Variants in NRG1 observed in about 807,000 individuals in gnomAD.
The protein encoded by NRG1 is neuregulin 1, also known as pro-neuregulin-1, membrane-bound isoform.
In NRG1, 18 loss-of-function variants were observed where a neutral mutation model predicts 63.8. The ratio of observed to expected loss-of-function variants is 0.28; its 90% CI spans 0.19 to 0.42. The LOEUF is 0.42. Ranked by LOEUF, NRG1 falls within the 10% of genes least tolerant of loss-of-function variation. The pLI is 1.00. For missense variants in NRG1, 762 were observed against 814.7 expected, an observed-to-expected ratio of 0.94 and a Z score of 0.79; for synonymous variants, 302 against 301.3, an observed-to-expected ratio of 1.00 and a Z score of -0.02.
chr8:32,542,085 A>G (rs1361698621), intron 1 of NRG1, among the ~76,000 whole-genome samples: 1 of 152,168 alleles, frequency 6.6e-6, no homozygotes, highest in Non-Finnish European at 1.5e-5. Context: ...AAACCCAACT[A>G]TTTTATAGGC....
chr8:32,097,260 G>A (rs12155958), intron 1 of NRG1, among the ~76,000 whole-genome samples: 1,872 of 152,206 alleles, frequency 0.012, 53 homozygotes, highest in African/African-American at 0.043. Context: ...TGGATATTTA[G>A]GTTACTTTCA....
chr8:32,683,949 C>T (rs1398782757), intron 5 of NRG1, among the ~76,000 whole-genome samples: 2 of 150,966 alleles, frequency 1.3e-5, no homozygotes, highest in Non-Finnish European at 2.9e-5. Flanking sequence ...GATGCCAGCA[C>T]TCTGGGAGGC....
chr8:31,872,990 C>T (rs1200392892), intron 1 of NRG1, among the ~76,000 whole-genome samples: 1 of 152,088 alleles, frequency 6.6e-6, no homozygotes, highest in Non-Finnish European at 1.5e-5. Context: ...ATTTCTTGGG[C>T]CAATCAAATA....
At chr8:32,548,603 G>A (rs1833423368) in exon 1 of NRG1, 7 of 1,345,896 alleles carry the variant, frequency 5.2e-6, no homozygotes, top group Non-Finnish European at 5.7e-6. Flanking sequence ...CAGCGCGAGC[G>A]CCTCAGCGCG....
At position 32,763,995 on chromosome 8, in the gene NRG1, G is replaced by A. The variant is rs376858256; in HGVS notation, c.1507G>A (p.Ala503Thr). The change falls in exon 12 of 12, where the codon GCG becomes ACG. Residue 503 changes from alanine (A) to threonine (T), a missense_variant. By Grantham distance (58) the Ala-to-Thr change is moderately conservative. Transcript: ENST00000356819. ...GTTCAGCTCCTTCCACCACAACCCC[G>A]CGCATGACAGTAACAGCCTCCCTGC... is the stretch of plus-strand genomic sequence containing the variant. The A allele has an allele frequency of 4.2e-5, 68 of 1,613,980 alleles. No individual in the cohort carries two copies. The East Asian group carries it at 6.5e-4, about 15-fold the overall frequency.
chr8:32,321,493 A>AG (rs1346664151), intron 1 of NRG1, among the ~76,000 whole-genome samples: 33 of 149,034 alleles, frequency 2.2e-4, no homozygotes, highest in African/African-American at 8.1e-4. Flanking sequence ...AAAAAAAAAA[A>AG]AATCTGACAG....
chr8:32,137,865 T>G (rs1472331178), intron 1 of NRG1, among the ~76,000 whole-genome samples: 9 of 152,210 alleles, frequency 5.9e-5, no homozygotes, highest in Admixed American at 5.9e-4. Context: ...TCTCACTCTT[T>G]CCTAAGTGTA....
intron 1 of NRG1, among the ~76,000 whole-genome samples, chr8:31,713,394 G>T (rs1812024899): frequency 6.6e-6 from 1 of 152,072 alleles, no homozygotes; most frequent in Non-Finnish European, 1.5e-5. Flanking sequence ...GGGATTACAG[G>T]TATGAGCCAC....
intron 1 of NRG1, among the ~76,000 whole-genome samples, chr8:31,859,306 A>T (rs1379124248): frequency 6.6e-6 from 1 of 152,194 alleles, no homozygotes. Context: ...CTAACATTCC[A>T]TCTCATTATT....
intron 5 of NRG1, among the ~76,000 whole-genome samples, chr8:32,638,115 C>G (rs888964952): frequency 2.6e-5 from 4 of 152,174 alleles, no homozygotes; most frequent in Admixed American, 6.6e-5. Context: ...AGATGTGATT[C>G]CCAGTCCTGA....
At chr8:31,957,022 A>C (rs1006277425) in intron 1 of NRG1, among the ~76,000 whole-genome samples, 8 of 152,202 alleles carry the variant, frequency 5.3e-5, no homozygotes, top group African/African-American at 7.2e-5. Flanking sequence ...GGGAAAAAAA[A>C]CCCCTAGGTT....
intron 1 of NRG1, among the ~76,000 whole-genome samples, chr8:32,452,747 T>C (rs1170649987): frequency 6.6e-6 from 1 of 152,206 alleles, no homozygotes; most frequent in Admixed American, 6.5e-5. Flanking sequence ...ATATGGTATC[T>C]ATCTCTGAAC....
At position 32,394,255 on chromosome 8, in the gene NRG1, C is replaced by A. The variant is rs570587698; in HGVS notation, c.38-201573C>A. On this transcript the variant is annotated intron_variant, in intron 1 of 10. Transcript: ENST00000519301. ...AAACAGAACTATACCATGCCCCCAT[C>A]TCCATGCTGAGTAGCTGGTTTATAA... Among the ~76,000 whole-genome samples the A allele has an allele frequency of 1.0e-3, 156 of 152,322 alleles. 5 individuals carry two copies. In the South Asian group the frequency reaches 0.031, roughly 30 times the overall value.
intron 1 of NRG1, among the ~76,000 whole-genome samples, chr8:31,746,144 T>G (rs937009599): frequency 1.3e-5 from 2 of 151,840 alleles, no homozygotes; most frequent in Non-Finnish European, 2.9e-5. Flanking sequence ...GAAAAGAGGA[T>G]GACGGAGAAT....
intron 1 of NRG1, among the ~76,000 whole-genome samples, chr8:31,859,663 CA>C (rs898097773): frequency 1.3e-5 from 2 of 152,148 alleles, no homozygotes; most frequent in East Asian, 1.9e-4. Context: ...CTGAGCTAGA[CA>C]AAAAGTATGT....
chr8:31,803,312 T>C (rs1404149745), intron 1 of NRG1, among the ~76,000 whole-genome samples: 1 of 152,172 alleles, frequency 6.6e-6, no homozygotes, highest in Non-Finnish European at 1.5e-5. Context: ...TGTAGTAAAC[T>C]CTTGTTTGGG....
intron 5 of NRG1, among the ~76,000 whole-genome samples, chr8:32,723,181 AAGAC>A (rs963108773): frequency 6.6e-6 from 1 of 152,074 alleles, no homozygotes; most frequent in Non-Finnish European, 1.5e-5. Context: ...TGAATTTTCT[AAGAC>A]AGGTAGATAG....
intron 1 of NRG1, among the ~76,000 whole-genome samples, chr8:31,799,836 T>A (rs1054747749): frequency 1.3e-5 from 2 of 152,186 alleles, no homozygotes; most frequent in African/African-American, 4.8e-5. Context: ...GCTCTGATCC[T>A]TCTTTCTATT....
intron 1 of NRG1, among the ~76,000 whole-genome samples, chr8:32,447,146 C>T (rs986788600): frequency 6.6e-6 from 1 of 151,572 alleles, no homozygotes; most frequent in East Asian, 1.9e-4. Flanking sequence ...CAGCCTCCCA[C>T]GTAGCTGGGA....
Sources: allele counts gnomAD v4.1 joint callset (sites outside exome capture counted in the v4.1 genomes callset), GRCh38; gene constraint gnomAD v4.1.1; transcripts MANE v1.5; gene names NCBI Gene and HGNC (gene_info 2026-07-23, HGNC 2026-07-21).